Variants in MINDY4 observed in about 807,000 individuals in gnomAD.
MINDY4 encodes the protein probable ubiquitin carboxyl-terminal hydrolase MINDY-4.
MINDY4 carries 68 observed loss-of-function variants against 87.0 expected under a neutral mutation model. That is an observed-to-expected ratio of 0.78 (90% CI 0.64 to 0.96). The LOEUF (loss-of-function observed/expected upper bound fraction) is 0.96, where lower values mean the gene tolerates loss of function less well. Ranked by LOEUF, MINDY4 falls within the 40% of genes least tolerant of loss-of-function variation. The pLI is 0.00. For synonymous variants in MINDY4, 379 were observed against 363.2 expected (o/e 1.04, Z -0.50); for missense variants, 919 against 928.2 (o/e 0.99, Z 0.13).
Position 30,882,907 on chromosome 7 carries a change from C to G in MINDY4, c.2153-14C>G. The G allele has an allele frequency of 6.2e-7, 1 of 1,613,638 alleles. No individual in the cohort carries two copies. The highest frequency in any genetic ancestry group is 8.5e-7 in the Non-Finnish European group (1 of 1,179,702). On this transcript the variant is annotated splice_polypyrimidine_tract_variant and intron_variant, in intron 16 of 17. Transcript: ENST00000265299. The stretch of plus-strand genomic sequence containing the variant: ...CCCTGGGTGACATGTGTGTGCCTCT[C>G]TCCTCCTTCCCAGACACCACCCAAA...
chr7:30,778,907 A>C (rs955365199), intron 2 of MINDY4, among the ~76,000 whole-genome samples: 5 of 152,234 alleles, frequency 3.3e-5, no homozygotes, highest in African/African-American at 4.8e-5. Context: ...CAGTTATACT[A>C]AAATTTTCCA....
intron 15 of MINDY4, among the ~76,000 whole-genome samples, chr7:30,880,972 C>T (rs888521445): frequency 1.3e-5 from 2 of 152,210 alleles, no homozygotes; most frequent in African/African-American, 2.4e-5. Context: ...GGGAGCTGCT[C>T]ACCCACTCTC....
intron 15 of MINDY4, among the ~76,000 whole-genome samples, chr7:30,878,278 C>A (rs746103376): frequency 2.0e-5 from 3 of 152,192 alleles, no homozygotes; most frequent in Non-Finnish European, 4.4e-5. Context: ...TCACTGCAGC[C>A]TGGGGTTCTG....
At chr7:30,889,519 C>T (rs1331837471) in intron 17 of MINDY4, among the ~76,000 whole-genome samples, 1 of 152,208 alleles carries the variant, frequency 6.6e-6, no homozygotes, top group African/African-American at 2.4e-5. Flanking sequence ...AGAAGTCTGA[C>T]TTCACCAAGC....
chr7:30,823,879 T>A (rs760572603), intron 5 of MINDY4, among the ~76,000 whole-genome samples: 10 of 152,212 alleles, frequency 6.6e-5, no homozygotes, highest in Non-Finnish European at 1.5e-4. Context: ...TGAACTGGTT[T>A]GTAGGAATGC....
At chr7:30,790,447 G>A (rs945892013) in intron 4 of MINDY4, among the ~76,000 whole-genome samples, 24 of 141,634 alleles carry the variant, frequency 1.7e-4, no homozygotes, top group Non-Finnish European at 6.1e-5. Context: ...GAGGTTTTGG[G>A]ATTTATTTAT....
Position 30,791,561 on chromosome 7 carries a change from C to A in MINDY4, c.1060C>A (p.Pro354Thr). 6.8e-6 allele frequency: 11 copies of A among 1,611,220 alleles called. No individual in the cohort carries two copies. Among genetic ancestry groups the A allele is most frequent in the Non-Finnish European group, 9.3e-6 (11 of 1,178,458 alleles). ...AGCGTTCAAACGGCAGGGCAGCCAG[C>A]CCGCACCTGTCAGGTGAGTGTGCTA... ...ERAFKRQGSQ[P>T]APVRKNQLLP... Residue 354 changes from proline (P) to threonine (T), a missense_variant, in exon 5 of 18, where the codon CCC becomes ACC. By Grantham distance (38) the Pro-to-Thr change is conservative. Coordinates refer to ENST00000265299, the MANE Select transcript of MINDY4 (RefSeq NM_032222.3).
chr7:30,816,364 C>G (rs1395006827), intron 5 of MINDY4, among the ~76,000 whole-genome samples: 1 of 152,128 alleles, frequency 6.6e-6, no homozygotes, highest in African/African-American at 2.4e-5. Context: ...AACAGAGATA[C>G]AGGAAGGAGA....
At chr7:30,789,390 G>A (rs1787250461) in intron 4 of MINDY4, among the ~76,000 whole-genome samples, 1 of 152,188 alleles carries the variant, frequency 6.6e-6, no homozygotes. Flanking sequence ...ATAGAATTTC[G>A]CCAGATTCTC....
At chr7:30,871,250 TAG>T (rs1790099352) in intron 13 of MINDY4, among the ~76,000 whole-genome samples, 1 of 152,180 alleles carries the variant, frequency 6.6e-6, no homozygotes, top group Non-Finnish European at 1.5e-5. Flanking sequence ...ATCTATAAAA[TAG>T]AGACAGGAAT....
intron 13 of MINDY4, among the ~76,000 whole-genome samples, chr7:30,871,258 G>C (rs1790099480): frequency 6.6e-6 from 1 of 152,222 alleles, no homozygotes; most frequent in African/African-American, 2.4e-5. Context: ...AATAGAGACA[G>C]GAATTCCTAC....
chr7:30,820,628 A>G (rs1027947459), intron 5 of MINDY4, among the ~76,000 whole-genome samples: 4 of 152,240 alleles, frequency 2.6e-5, no homozygotes, highest in African/African-American at 4.8e-5. Context: ...TTCACTTAAC[A>G]TAATGTTTTT....
chr7:30,846,448 G>C (rs1789221412), intron 9 of MINDY4, among the ~76,000 whole-genome samples: 1 of 152,210 alleles, frequency 6.6e-6, no homozygotes, highest in South Asian at 2.1e-4. Context: ...CACCTGTGAG[G>C]AATTCGACTC....
intron 3 of MINDY4, among the ~76,000 whole-genome samples, chr7:30,782,681 A>T (rs762312334): frequency 3.9e-5 from 6 of 151,932 alleles, no homozygotes; most frequent in Non-Finnish European, 7.4e-5. Flanking sequence ...GTAGCTTGGG[A>T]GATGGAGTGA....
intron 4 of MINDY4, among the ~76,000 whole-genome samples, chr7:30,788,166 A>G (rs558138312): frequency 6.6e-6 from 1 of 152,344 alleles, no homozygotes; most frequent in Non-Finnish European, 1.5e-5. Context: ...TGTATGAAGA[A>G]AATCTAGCCT....
At chr7:30,824,729 A>G (rs1190117068) in intron 5 of MINDY4, among the ~76,000 whole-genome samples, 1 of 152,156 alleles carries the variant, frequency 6.6e-6, no homozygotes, top group African/African-American at 2.4e-5. Context: ...GCGTGACACC[A>G]CGCTCAACTA....
At chr7:30,864,448 C>T (rs1584332977) in intron 13 of MINDY4, among the ~76,000 whole-genome samples, 1 of 152,242 alleles carries the variant, frequency 6.6e-6, no homozygotes, top group East Asian at 1.9e-4. Flanking sequence ...GAAGCCCAGG[C>T]TTTAAGAGGG....
At chr7:30,843,010 C>T (rs1176294422) in intron 9 of MINDY4, among the ~76,000 whole-genome samples, 2 of 152,096 alleles carry the variant, frequency 1.3e-5, no homozygotes, top group African/African-American at 2.4e-5. Flanking sequence ...TCTTGCTCAT[C>T]GATATGGTTA....
chr7:30,875,582 A>G lies in MINDY4; in HGVS notation c.1897A>G (p.Thr633Ala), dbSNP rs1790233607. 6.2e-7 allele frequency: 1 copy of G among 1,614,136 alleles called. No homozygotes were observed. Among genetic ancestry groups the G allele is most frequent in the Non-Finnish European group, 8.5e-7 (1 of 1,180,034 alleles). The change falls in exon 15 of 18, where the codon ACA becomes GCA. Residue 633 changes from threonine (T) to alanine (A), a missense_variant. Thr to Ala is a moderately conservative substitution (Grantham distance 58, BLOSUM62 0). Transcript: ENST00000265299. The part of the protein sequence containing the change: ...VELDSGDGNI[T>A]LLRGIAARSD... ...GCTGGATTCTGGGGATGGGAACATC[A>G]CACTTCTCAGAGGCATTGCTGCACG...
Sources: gnomAD v4.1 joint callset for allele counts (sites outside exome capture counted in the v4.1 genomes callset) on GRCh38, gnomAD v4.1.1 for gene constraint, MANE v1.5 for transcripts, NCBI Gene and HGNC (gene_info 2026-07-23, HGNC 2026-07-21) for gene names.